The following RWDD1 variants were observed in gnomAD, a reference collection of about 807,000 sequenced individuals.
The protein encoded by RWDD1 is RWD domain containing 1.
RWDD1 carries 17 observed loss-of-function variants against 31.6 expected under a neutral mutation model. The observed-to-expected ratio is 0.54, with a 90% CI of 0.37 to 0.81. The LOEUF (loss-of-function observed/expected upper bound fraction) is 0.81, where lower values mean the gene tolerates loss of function less well. RWDD1 is among the 30% of genes least tolerant of loss of function. The pLI is 0.00. For missense variants in RWDD1, 204 were observed against 274.5 expected (o/e 0.74, Z 1.82); for synonymous variants, 78 against 94.2 (o/e 0.83, Z 0.99).
intron 4 of RWDD1, 57 bp downstream of exon 4, chr6:116,589,042 T>TGGGG (rs2115335026): frequency 8.4e-7 from 1 of 1,184,038 alleles, no homozygotes; most frequent in African/African-American, 1.6e-5. Flanking sequence ...TTCAGTTGCT[T>TGGGG]GGTTGGGTTT....
chr6:116,582,562 A>C (rs1261691052), intron 2 of RWDD1, among the ~76,000 whole-genome samples: 1 of 152,108 alleles, frequency 6.6e-6, no homozygotes, highest in Non-Finnish European at 1.5e-5. Context: ...AATGCACTAC[A>C]ATAGATCTGA....
chr6:116,577,094 AGT>A (rs1298068428), intron 1 of RWDD1, among the ~76,000 whole-genome samples: 2 of 152,236 alleles, frequency 1.3e-5, no homozygotes, highest in East Asian at 1.9e-4. Flanking sequence ...CATATTTTTT[AGT>A]GTGTTATTTG....
At chr6:116,573,697 AAG>A (rs144685458) in intron 1 of RWDD1, among the ~76,000 whole-genome samples, 4,614 of 152,318 alleles carry the variant, frequency 0.03, 97 homozygotes, top group Middle Eastern at 0.099. Context: ...AGGTTTAAGA[AAG>A]AGATCTTGCT....
rs1003453468 is a variant in RWDD1, at chr6:116,596,680, A to G, written c.*3579A>G. The G allele has an allele frequency of 1.3e-5, 2 of 152,130 alleles. No homozygotes were observed. Among genetic ancestry groups the G allele is most frequent in the South Asian group, 2.1e-4 (1 of 4,824 alleles). 9.4% of individuals were successfully genotyped at this position (152,130 alleles called of 1,614,324 possible). On this transcript the variant is annotated 3_prime_UTR_variant, in exon 7 of 7. Coordinates refer to ENST00000466444, the MANE Select transcript of RWDD1 (RefSeq NM_015952.4). The stretch of plus-strand genomic sequence containing the variant: ...GGACAGCACAGTAAAAAAATACACA[A>G]ATTTCTTTTGCAGTTATTGATTTGG...
At chr6:116,590,634 G>A (rs1004661458) in intron 5 of RWDD1, among the ~76,000 whole-genome samples, 2 of 151,988 alleles carry the variant, frequency 1.3e-5, no homozygotes, top group African/African-American at 4.8e-5. Flanking sequence ...GTGATAGAAG[G>A]ACATTCAGGA....
intron 4 of RWDD1, among the ~76,000 whole-genome samples, chr6:116,589,564 C>A (rs138257035): frequency 1.2e-3 from 185 of 152,132 alleles, no homozygotes; most frequent in African/African-American, 4.4e-3. Context: ...AGTGATAAAG[C>A]AATGATTTAG....
At chr6:116,572,038 A>G (rs1774747272) in intron 1 of RWDD1, among the ~76,000 whole-genome samples, 1 of 152,062 alleles carries the variant, frequency 6.6e-6, no homozygotes, top group African/African-American at 2.4e-5. Flanking sequence ...TAGCTTTATT[A>G]AGGTAGAAAC....
intron 1 of RWDD1, among the ~76,000 whole-genome samples, chr6:116,578,872 T>C (rs71570815): frequency 3.0e-5 from 4 of 133,728 alleles, no homozygotes; most frequent in African/African-American, 1.2e-4. Context: ...AAATAATTGG[T>C]TTTTGGGGTT....
At chr6:116,582,257 T>G (rs1309658484) in intron 2 of RWDD1, among the ~76,000 whole-genome samples, 2 of 151,636 alleles carry the variant, frequency 1.3e-5, no homozygotes, top group Admixed American at 1.3e-4. Flanking sequence ...GAATCAGTTT[T>G]TTTTTTTTTT....
intron 4 of RWDD1, among the ~76,000 whole-genome samples, chr6:116,589,363 C>T (rs1319717951): frequency 6.6e-6 from 1 of 152,006 alleles, no homozygotes; most frequent in Admixed American, 6.6e-5. Context: ...AAAAAATTTG[C>T]AGCAAAAAAA....
chr6:116,572,856 A>T, intron 1 of RWDD1: 6 of 985,468 alleles, frequency 6.1e-6, no homozygotes, highest in Non-Finnish European at 6.0e-6. Flanking sequence ...CTTTGCCAAC[A>T]GGCAGATGTC....
At chr6:116,588,569 A>G (rs1334577012) in intron 3 of RWDD1, among the ~76,000 whole-genome samples, 2 of 152,154 alleles carry the variant, frequency 1.3e-5, no homozygotes, top group Non-Finnish European at 2.9e-5. Context: ...TGGAGAAAGG[A>G]TGTTACTAGT....
intron 4 of RWDD1, 82 bp downstream of exon 4, chr6:116,589,067 G>A (rs1775093418): frequency 1.8e-6 from 2 of 1,102,176 alleles, no homozygotes; most frequent in Non-Finnish European, 2.3e-6. Context: ...TTAATCAATA[G>A]CAGTATTTTT....
intron 2 of RWDD1, 136 bp from the exon 3 acceptor site, chr6:116,584,591 G>A: frequency 1.4e-6 from 1 of 696,720 alleles, no homozygotes; most frequent in African/African-American, 1.8e-5. Context: ...GTTTACATTA[G>A]TGATTATCCA....
intron 3 of RWDD1, among the ~76,000 whole-genome samples, chr6:116,587,400 TGA>T (rs1013584852): frequency 2.7e-4 from 41 of 152,120 alleles, no homozygotes; most frequent in Admixed American, 1.3e-3. Context: ...GATATTGAGG[TGA>T]GAGAGAGCAA....
intron 2 of RWDD1, among the ~76,000 whole-genome samples, chr6:116,583,393 G>T (rs543098975): frequency 3.0e-4 from 45 of 152,036 alleles, no homozygotes; most frequent in Non-Finnish European, 4.6e-4. Flanking sequence ...CTGGCCAAAG[G>T]GTACAAAGGT....
intron 2 of RWDD1, among the ~76,000 whole-genome samples, chr6:116,583,639 C>G (rs1236606063): frequency 6.6e-6 from 1 of 151,920 alleles, no homozygotes; most frequent in Admixed American, 6.6e-5. Flanking sequence ...TCACATTGTA[C>G]ACCTTAAATA....
rs1361965709 is a variant in RWDD1 at position 116,594,809 on chromosome 6, TAA to T, written c.*1710_*1711del. 3 of 152,226 alleles carry T rather than the reference TAA, an allele frequency of 2.0e-5. No individual in the cohort carries two copies. The highest frequency in any genetic ancestry group is 4.4e-5 in the Non-Finnish European group (3 of 68,042). The allele number at this position is 152,226 out of a possible 1,614,324, so 9.4% of individuals were successfully genotyped here. A position where few individuals can be genotyped will look rare whatever the true frequency, so the allele number is the denominator to read the frequency against. On this transcript the variant is annotated 3_prime_UTR_variant, in exon 7 of 7. Coordinates refer to ENST00000466444, the MANE Select transcript of RWDD1 (RefSeq NM_015952.4). ...CTATTTTAAATTCATAAAGCTATTA[TAA>T]AGAGCTGCCTCCAGTAAAAAATACA... is the stretch of plus-strand genomic sequence containing the variant.
At chr6:116,572,146 C>G (rs1241311374) in intron 1 of RWDD1, among the ~76,000 whole-genome samples, 2 of 128,608 alleles carry the variant, frequency 1.6e-5, no homozygotes, top group Non-Finnish European at 3.3e-5. Flanking sequence ...TGAAGTCTGT[C>G]GGGTTTCTTT....
Sources: allele counts gnomAD v4.1 joint callset (sites outside exome capture counted in the v4.1 genomes callset), GRCh38; gene constraint gnomAD v4.1.1; transcripts MANE v1.5; gene names NCBI Gene and HGNC (gene_info 2026-07-23, HGNC 2026-07-21).